MB21D2: variants seen among roughly 807,000 people sequenced by gnomAD.
The protein encoded by MB21D2 is nucleotidyltransferase MB21D2.
Under a neutral mutation model 33.3 loss-of-function variants are expected in MB21D2, and 9 were observed. The ratio of observed to expected loss-of-function variants is 0.27; its 90% CI spans 0.16 to 0.47. The LOEUF is 0.47. Among genes scored for constraint, MB21D2 ranks in the 20% least tolerant of loss-of-function variants. The pLI is 0.99. For missense variants in MB21D2, 540 were observed against 624.6 expected, an observed-to-expected ratio of 0.86 and a Z score of 1.44; for synonymous variants, 241 against 236.3, an observed-to-expected ratio of 1.02 and a Z score of -0.18.
At chr3:192,824,294 T>C (rs1368447368) in intron 1 of MB21D2, among the ~76,000 whole-genome samples, 1 of 152,044 alleles carries the variant, frequency 6.6e-6, no homozygotes, top group Non-Finnish European at 1.5e-5. Context: ...CCTCAAATAA[T>C]GTGGCAAAAC....
intron 1 of MB21D2, among the ~76,000 whole-genome samples, chr3:192,864,856 A>C (rs13100685): frequency 6.6e-6 from 1 of 152,090 alleles, no homozygotes; most frequent in Non-Finnish European, 1.5e-5. Flanking sequence ...TCTCACCCAG[A>C]GCACTGTTAT....
intron 1 of MB21D2, among the ~76,000 whole-genome samples, chr3:192,872,392 C>T (rs955820756): frequency 5.3e-5 from 8 of 152,054 alleles, no homozygotes; most frequent in South Asian, 2.1e-4. Flanking sequence ...ATGGCGAACA[C>T]GGTGAAAACC....
chr3:192,869,505 T>A (rs936507575), intron 1 of MB21D2, among the ~76,000 whole-genome samples: 2 of 152,134 alleles, frequency 1.3e-5, no homozygotes, highest in Non-Finnish European at 2.9e-5. Context: ...CCCAAATCAC[T>A]GGAACAAACT....
chr3:192,877,784 C>G (rs768254497), intron 1 of MB21D2, among the ~76,000 whole-genome samples: 37 of 152,152 alleles, frequency 2.4e-4, no homozygotes, highest in Non-Finnish European at 5.4e-4. Flanking sequence ...GAGGATCTAG[C>G]AAACTCACAT....
intron 1 of MB21D2, among the ~76,000 whole-genome samples, chr3:192,887,465 C>G (rs1713757691): frequency 6.6e-6 from 1 of 152,044 alleles, no homozygotes; most frequent in Non-Finnish European, 1.5e-5. Flanking sequence ...CACTTAGAAA[C>G]TGTGAAGATC....
chr3:192,828,103 T>C (rs1016747669), intron 1 of MB21D2, among the ~76,000 whole-genome samples: 2 of 152,122 alleles, frequency 1.3e-5, no homozygotes, highest in Admixed American at 1.3e-4. Flanking sequence ...TCCCCAGCCA[T>C]GTGGAACTGT....
chr3:192,865,109 A>G (rs1169591980), intron 1 of MB21D2, among the ~76,000 whole-genome samples: 1 of 152,216 alleles, frequency 6.6e-6, no homozygotes, highest in Non-Finnish European at 1.5e-5. Flanking sequence ...TCAACGGTGG[A>G]GGAGCATGAG....
At chr3:192,856,838 C>T (rs557974218) in intron 1 of MB21D2, among the ~76,000 whole-genome samples, 12 of 152,280 alleles carry the variant, frequency 7.9e-5, no homozygotes, top group Non-Finnish European at 1.6e-4. Flanking sequence ...CAGGTGTGAG[C>T]CACTGTGCCT....
At chr3:192,860,924 G>A (rs1035310928) in intron 1 of MB21D2, among the ~76,000 whole-genome samples, 1 of 152,148 alleles carries the variant, frequency 6.6e-6, no homozygotes, top group African/African-American at 2.4e-5. Context: ...AATAACATAA[G>A]CTGATGATTT....
chr3:192,797,735 C>T lies in MB21D2; in HGVS notation c.*651G>A, dbSNP rs537978273. 18 of 152,698 alleles carry T rather than the reference C, an allele frequency of 1.2e-4. No individual in the cohort carries two copies. Among genetic ancestry groups the T allele is most frequent in the African/African-American group, 3.9e-4 (16 of 41,536 alleles). 9.5% of individuals were successfully genotyped at this position (152,698 alleles called of 1,614,324 possible). A position where few individuals can be genotyped will look rare whatever the true frequency, so the allele number is the denominator to read the frequency against. The stretch of plus-strand genomic sequence containing the variant: ...ACCTTAATTCTGCTTGGAAAACTGT[C>T]AAAGACACCCTTCAAACCACCCAGT... On this transcript the variant is annotated 3_prime_UTR_variant, in exon 2 of 2. Coordinates refer to ENST00000392452, the MANE Select transcript of MB21D2 (RefSeq NM_178496.4).
At chr3:192,838,810 C>T (rs1218598810) in intron 1 of MB21D2, among the ~76,000 whole-genome samples, 1 of 152,206 alleles carries the variant, frequency 6.6e-6, no homozygotes, top group Non-Finnish European at 1.5e-5. Flanking sequence ...TACAAAAATA[C>T]ATACATGATT....
Position 192,799,042 on chromosome 3 carries a change from C to G in MB21D2, c.820G>C (p.Val274Leu), listed in dbSNP as rs1186499329. 1 of 1,614,112 alleles carries G rather than the reference C, an allele frequency of 6.2e-7. No homozygotes were observed. Among genetic ancestry groups the G allele is most frequent in the Middle Eastern group, 1.6e-4 (1 of 6,062 alleles). ...EEEVISGFYL[V>L]PACSYKGKKD... ...TTACCCTTGTAGGAGCAAGCAGGCA[C>G]CAAGTAAAACCCACTGATGACCTCT... The change falls in exon 2 of 2, where the codon GTG becomes CTG. Residue 274 changes from valine (V) to leucine (L), a missense_variant. By Grantham distance (32) the Val-to-Leu change is conservative. Transcript: ENST00000392452. The surrounding 1 kb of genome is among the most constrained non-coding windows in gnomAD (Gnocchi z 4.1).
chr3:192,844,708 G>A (rs1203618749), intron 1 of MB21D2, among the ~76,000 whole-genome samples: 2 of 152,130 alleles, frequency 1.3e-5, no homozygotes, highest in African/African-American at 4.8e-5. Context: ...CAGGGCGAGA[G>A]GAAATGCTTC....
chr3:192,863,550 A>G (rs914284724), intron 1 of MB21D2, among the ~76,000 whole-genome samples: 8 of 152,202 alleles, frequency 5.3e-5, no homozygotes, highest in Non-Finnish European at 7.3e-5. Flanking sequence ...TGAGTACTTA[A>G]TATGTGACAA....
chr3:192,850,432 C>T (rs1262759505), intron 1 of MB21D2, among the ~76,000 whole-genome samples: 2 of 152,198 alleles, frequency 1.3e-5, no homozygotes, highest in Admixed American at 6.5e-5. Flanking sequence ...GTTCGAGGCT[C>T]TCAACTCTAG....
chr3:192,837,416 CCT>C (rs1460387964), intron 1 of MB21D2, among the ~76,000 whole-genome samples: 5 of 152,180 alleles, frequency 3.3e-5, no homozygotes, highest in Non-Finnish European at 7.3e-5. Flanking sequence ...ATCCTCCACC[CCT>C]GTCCCACCTG....
At chr3:192,811,367 TG>T (rs1711784321) in intron 1 of MB21D2, among the ~76,000 whole-genome samples, 1 of 151,930 alleles carries the variant, frequency 6.6e-6, no homozygotes, top group Non-Finnish European at 1.5e-5. Flanking sequence ...CTGTAGTGGG[TG>T]GGGGGTGTAA....
In MB21D2 at chr3:192,799,083, C is replaced by T; in HGVS notation, c.779G>A (p.Gly260Glu). ...GATGACCTCTTCCTCAGTAATCTTC[C>T]CATCCCAAAAGTGGTTCTCCATGAG... Reference protein sequence around the residue: ...SWLMENHFWDGKITEEEVISG... With the variant: ...SWLMENHFWDEKITEEEVISG... The change falls in exon 2 of 2, where the codon GGG becomes GAG. Residue 260 changes from glycine (G) to glutamate (E), a missense_variant. Transcript: ENST00000392452. The surrounding 1 kb of genome is among the most constrained non-coding windows in gnomAD (Gnocchi z 4.1). 1 of 1,614,100 alleles carries T rather than the reference C, an allele frequency of 6.2e-7. No individual in the cohort carries two copies. Among genetic ancestry groups the T allele is most frequent in the South Asian group, 1.1e-5 (1 of 91,056 alleles).
intron 1 of MB21D2, among the ~76,000 whole-genome samples, chr3:192,861,711 G>T (rs1026042442): frequency 1.3e-5 from 2 of 152,202 alleles, no homozygotes; most frequent in Admixed American, 1.3e-4. Context: ...GGCTAAGGCA[G>T]GAGAATCACT....
Sources: allele counts gnomAD v4.1 joint callset (sites outside exome capture counted in the v4.1 genomes callset), GRCh38; gene constraint gnomAD v4.1.1; non-coding constraint Gnocchi (gnomAD v3.1); transcripts MANE v1.5; gene names NCBI Gene and HGNC (gene_info 2026-07-23, HGNC 2026-07-21).